PPP1R12B: variants seen among roughly 807,000 people sequenced by gnomAD.
The protein encoded by PPP1R12B is myosin phosphatase target subunit 2.
In PPP1R12B, 76 loss-of-function variants were observed where a neutral mutation model predicts 126.1. The observed-to-expected ratio is 0.60, with a 90% CI of 0.50 to 0.73. PPP1R12B has a LOEUF of 0.73. Ranked by LOEUF, PPP1R12B falls within the 30% of genes least tolerant of loss-of-function variation. The probability of loss-of-function intolerance (pLI) is 0.00; values close to 1 mark genes in which losing one functional copy is unlikely to be tolerated. For missense variants in PPP1R12B, 1,052 were observed against 1,205.1 expected, an observed-to-expected ratio of 0.87 and a Z score of 1.88; for synonymous variants, 356 against 434.7, an observed-to-expected ratio of 0.82 and a Z score of 2.25.
At chr1:202,496,113 C>G (rs965290006) in intron 17 of PPP1R12B, among the ~76,000 whole-genome samples, 2 of 152,164 alleles carry the variant, frequency 1.3e-5, no homozygotes, top group African/African-American at 4.8e-5. Flanking sequence ...GTTCAAGGAA[C>G]TTAAAACCTC....
Position 202,472,692 on chromosome 1 carries a change from C to T in PPP1R12B, c.1851-15841C>T, listed in dbSNP as rs567720695. ...ATAGGTCACAGAAACACCAGACTCA[C>T]ACTTTCTCTAAAGCAAAAGGACTTC... is the stretch of plus-strand genomic sequence containing the variant. On this transcript the variant is annotated intron_variant, in intron 13 of 23. Coordinates refer to ENST00000608999, the MANE Select transcript of PPP1R12B (RefSeq NM_002481.4). 1.4e-3 allele frequency among the ~76,000 whole-genome samples: 208 copies of T among 152,344 alleles called. 2 individuals are homozygous for T. The highest frequency in any genetic ancestry group is 4.8e-3 in the African/African-American group (201 of 41,588).
intron 9 of PPP1R12B, 90 bp from the exon 10 acceptor site, chr1:202,437,731 G>A (rs1671020708): frequency 8.3e-7 from 1 of 1,200,326 alleles, no homozygotes; most frequent in South Asian, 1.5e-5. Context: ...TTGCCTCGCT[G>A]AACTTAGTTA....
At position 202,488,519 on chromosome 1, in the gene PPP1R12B, T is replaced by C; in HGVS notation, c.1851-14T>C. On this transcript the variant is annotated splice_polypyrimidine_tract_variant and intron_variant, in intron 13 of 23. Transcript: ENST00000608999. ...AAAGATCTTGCTTTTGCTATTACTT[T>C]TTTTTCTCTGCAGGTCCTATCTGAC... is the stretch of plus-strand genomic sequence containing the variant. The C allele has an allele frequency of 6.3e-7, 1 of 1,580,728 alleles. No individual in the cohort carries two copies.
At chr1:202,493,583 T>A (rs1438403624) in intron 15 of PPP1R12B, among the ~76,000 whole-genome samples, 1 of 152,186 alleles carries the variant, frequency 6.6e-6, no homozygotes, top group Non-Finnish European at 1.5e-5. Context: ...TATAACAAAA[T>A]GCAAATAAAA....
At chr1:202,464,764 CTTAG>C (rs1674764836) in intron 13 of PPP1R12B, among the ~76,000 whole-genome samples, 1 of 152,114 alleles carries the variant, frequency 6.6e-6, no homozygotes, top group South Asian at 2.1e-4. Context: ...CAGTGACTGC[CTTAG>C]TTGTGTGCTC....
intron 1 of PPP1R12B, among the ~76,000 whole-genome samples, chr1:202,413,384 A>T (rs1348467454): frequency 6.6e-6 from 1 of 152,188 alleles, no homozygotes; most frequent in African/African-American, 2.4e-5. Context: ...TGTGATATGT[A>T]CTACTTAAGT....
Position 202,587,810 on chromosome 1 carries a change from C to CAA in PPP1R12B, c.*7251_*7252insAA, listed in dbSNP as rs1429728246. The CAA allele has an allele frequency of 6.6e-6, 1 of 152,198 alleles. No individual in the cohort carries two copies. Among genetic ancestry groups the CAA allele is most frequent in the Non-Finnish European group, 1.5e-5 (1 of 68,048 alleles). 9.4% of individuals were successfully genotyped at this position (152,198 alleles called of 1,614,324 possible). On this transcript the variant is annotated 3_prime_UTR_variant, in exon 24 of 24. Coordinates refer to ENST00000608999, the MANE Select transcript of PPP1R12B (RefSeq NM_002481.4). ...TCTCCCACTCTACTGAAACCCGGAA[C>CAA]AGATTCCCGCTTGCCTTCTGATGAA...
rs1292731112 is a variant in PPP1R12B at position 202,588,016 on chromosome 1, A to AG, written c.*7457dup. ...CACACCAGGGCAATGATTTCCCTGC[A>AG]GAAGGAAGGAAAGAATGTTTCACCC... On this transcript the variant is annotated 3_prime_UTR_variant, in exon 24 of 24. Coordinates refer to ENST00000608999, the MANE Select transcript of PPP1R12B (RefSeq NM_002481.4). The AG allele has an allele frequency of 6.6e-6, 1 of 151,988 alleles. No homozygotes were observed. Among genetic ancestry groups the AG allele is most frequent in the Admixed American group, 6.6e-5 (1 of 15,244 alleles). 9.4% of individuals were successfully genotyped at this position (151,988 alleles called of 1,614,324 possible).
At chr1:202,543,652 G>A (rs1056678496) in intron 18 of PPP1R12B, among the ~76,000 whole-genome samples, 5 of 152,124 alleles carry the variant, frequency 3.3e-5, no homozygotes, top group Admixed American at 3.3e-4. Context: ...CAGGAGAATC[G>A]ATTGAACCCG....
chr1:202,348,730 G>A lies in PPP1R12B; in HGVS notation c.-122G>A. On this transcript the variant is annotated 5_prime_UTR_variant, in exon 1 of 24. Transcript: ENST00000608999. ...ACTGGCGGGAGGAGTAAAGATGGCG[G>A]CGCGAGGGTCTCCGCCCTCTGCTCC... 1 of 1,285,516 alleles carries A rather than the reference G, an allele frequency of 7.8e-7. No homozygotes were observed. The highest frequency in any genetic ancestry group is 1.0e-6 in the Non-Finnish European group (1 of 953,766). The allele number at this position is 1,285,516 out of a possible 1,614,324, so 79.6% of individuals were successfully genotyped here. A position where few individuals can be genotyped will look rare whatever the true frequency, so the allele number is the denominator to read the frequency against.
chr1:202,431,163 A>C (rs1670143369), intron 7 of PPP1R12B, among the ~76,000 whole-genome samples: 1 of 152,222 alleles, frequency 6.6e-6, no homozygotes, highest in African/African-American at 2.4e-5. Context: ...AGTGCCTAGC[A>C]TGATTCCTGG....
At chr1:202,515,306 G>T (rs77612136) in intron 18 of PPP1R12B, among the ~76,000 whole-genome samples, 3 of 134,288 alleles carry the variant, frequency 2.2e-5, no homozygotes, top group African/African-American at 7.8e-5. Flanking sequence ...GTGTTTGTTT[G>T]TTTTTTTAAA....
In PPP1R12B at chr1:202,549,576, C is replaced by T. The variant is rs185462405; in HGVS notation, c.2491-9301C>T. ...CTGGGACTACAGGTGCCCGCCACCA[C>T]ACCTGGCTAATTTTTGTATTTTTAG... is the stretch of plus-strand genomic sequence containing the variant. On this transcript the variant is annotated intron_variant, in intron 18 of 23. Coordinates refer to ENST00000608999, the MANE Select transcript of PPP1R12B (RefSeq NM_002481.4). Among the ~76,000 whole-genome samples, 330 of 152,100 alleles carry T rather than the reference C, an allele frequency of 2.2e-3. 2 individuals carry two copies. The highest frequency in any genetic ancestry group is 7.7e-3 in the African/African-American group (320 of 41,486).
At chr1:202,352,415 T>G (rs1405298893) in intron 1 of PPP1R12B, among the ~76,000 whole-genome samples, 4 of 152,162 alleles carry the variant, frequency 2.6e-5, no homozygotes, top group Non-Finnish European at 5.9e-5. Context: ...TTTCTAGGAT[T>G]TATTAAAATG....
In PPP1R12B at chr1:202,485,130, C is replaced by A. The variant is rs547709172; in HGVS notation, c.1851-3403C>A. 2.0e-5 allele frequency among the ~76,000 whole-genome samples: 3 copies of A among 152,226 alleles called. No homozygotes were observed. In the East Asian group the frequency reaches 5.8e-4, roughly 29 times the overall value. On this transcript the variant is annotated intron_variant, in intron 13 of 23. Transcript: ENST00000608999. ...ATGTACCGGTGAGGGGACTGGCCAG[C>A]AGTTAGGCAGTTTCCCCCCTGTGCA...
At chr1:202,489,419 G>A (rs1558292150) in intron 14 of PPP1R12B, among the ~76,000 whole-genome samples, 2 of 152,284 alleles carry the variant, frequency 1.3e-5, no homozygotes, top group East Asian at 3.9e-4. Flanking sequence ...ATAGGTGTTT[G>A]TAATAGTATT....
At chr1:202,385,550 A>G (rs1282692595) in intron 1 of PPP1R12B, among the ~76,000 whole-genome samples, 1 of 152,190 alleles carries the variant, frequency 6.6e-6, no homozygotes. Context: ...ATTAAAATCT[A>G]TTGGAAATTG....
chr1:202,555,353 A>AAG (rs1553320335), intron 18 of PPP1R12B, among the ~76,000 whole-genome samples: 3 of 121,674 alleles, frequency 2.5e-5, no homozygotes, highest in African/African-American at 8.9e-5. Context: ...AAAAAAAAAA[A>AAG]GCTTGTTTCG....
Position 202,589,288 on chromosome 1 carries a change from T to C in PPP1R12B, c.*8728T>C, listed in dbSNP as rs1690018628. The C allele has an allele frequency of 6.6e-6, 1 of 152,098 alleles. No individual in the cohort carries two copies. The highest frequency in any genetic ancestry group is 6.6e-5 in the Admixed American group (1 of 15,260). 9.4% of individuals were successfully genotyped at this position (152,098 alleles called of 1,614,324 possible). ...CCAGGCAGCCAGGATCTGGGTCTGG[T>C]TTCTCCATCCAGCAAGCCCTGCCTC... On this transcript the variant is annotated 3_prime_UTR_variant, in exon 24 of 24. Transcript: ENST00000608999.
Sources: allele counts gnomAD v4.1 joint callset (sites outside exome capture counted in the v4.1 genomes callset), GRCh38; gene constraint gnomAD v4.1.1; transcripts MANE v1.5; gene names NCBI Gene and HGNC (gene_info 2026-07-23, HGNC 2026-07-21).